HYAL4: variants seen among roughly 807,000 people sequenced by gnomAD.
The protein encoded by HYAL4 is hyaluronidase-4.
HYAL4 carries 37 observed loss-of-function variants against 35.2 expected under a neutral mutation model. The observed-to-expected ratio is 1.05, with a 90% CI of 0.81 to 1.38. The LOEUF (loss-of-function observed/expected upper bound fraction) is 1.38. HYAL4 is among the 40% of genes most tolerant of loss of function. The pLI, the probability that HYAL4 is intolerant of heterozygous loss-of-function variation, is 0.00. For synonymous variants in HYAL4, 198 were observed against 203.2 expected, an observed-to-expected ratio of 0.97 and a Z score of 0.22; for missense variants, 572 against 572.4, an observed-to-expected ratio of 1.00 and a Z score of 0.01.
At chr7:123,769,720 ACAATGCAAACATCGGT>A in the HYAL4 span, among the ~76,000 whole-genome samples, 7 of 152,122 alleles carry the variant, frequency 4.6e-5, no homozygotes, top group African/African-American at 1.4e-4. Context: ...AAGAGACTAC[ACAATGCAAACATCGGT>A]CTGCTCTATA....
the HYAL4 span, among the ~76,000 whole-genome samples, chr7:123,767,531 C>T: frequency 6.6e-6 from 1 of 152,134 alleles, no homozygotes; most frequent in East Asian, 1.9e-4. Flanking sequence ...GACATATCAC[C>T]AACAAGCTTA....
chr7:123,779,059 A>T, the HYAL4 span, among the ~76,000 whole-genome samples: 1 of 152,184 alleles, frequency 6.6e-6, no homozygotes, highest in Non-Finnish European at 1.5e-5. Flanking sequence ...TTACATACAA[A>T]TATGTTACCC....
chr7:123,797,787 C>T, the HYAL4 span, among the ~76,000 whole-genome samples: 1 of 152,086 alleles, frequency 6.6e-6, no homozygotes, highest in African/African-American at 2.4e-5. Context: ...GGAATTCATA[C>T]AAGTAGCTAT....
At chr7:123,871,204 T>C (rs1368438297) in intron 3 of HYAL4, among the ~76,000 whole-genome samples, 1 of 151,896 alleles carries the variant, frequency 6.6e-6, no homozygotes, top group Non-Finnish European at 1.5e-5. Flanking sequence ...TTTTTTTTTT[T>C]TTTTTTAGAT....
chr7:123,825,073 C>T (rs1805781993), upstream of HYAL4, among the ~76,000 whole-genome samples: 1 of 152,018 alleles, frequency 6.6e-6, no homozygotes, highest in Admixed American at 6.6e-5. Context: ...GTTGTCAACC[C>T]CACTGTCTTC....
At chr7:123,821,460 A>C in the HYAL4 span, among the ~76,000 whole-genome samples, 1 of 152,136 alleles carries the variant, frequency 6.6e-6, no homozygotes, top group African/African-American at 2.4e-5. Context: ...CTTTGGAGAA[A>C]TGTTTGTTCA....
the HYAL4 span, among the ~76,000 whole-genome samples, chr7:123,791,833 G>A: frequency 1.3e-5 from 2 of 152,196 alleles, no homozygotes; most frequent in African/African-American, 4.8e-5. Context: ...TCAAGACATA[G>A]CATTTAATGG....
the HYAL4 span, among the ~76,000 whole-genome samples, chr7:123,781,920 T>C: frequency 8.5e-3 from 1,297 of 152,244 alleles, 19 homozygotes; most frequent in African/African-American, 0.03. Flanking sequence ...TGAAGCTTTT[T>C]CTTCGAGGTA....
the HYAL4 span, among the ~76,000 whole-genome samples, chr7:123,769,970 C>T: frequency 1.3e-5 from 2 of 151,356 alleles, no homozygotes; most frequent in Admixed American, 6.6e-5. Flanking sequence ...CTTTTATTTT[C>T]GCCAAGTAAA....
upstream of HYAL4, among the ~76,000 whole-genome samples, chr7:123,827,686 C>T (rs905490219): frequency 1.3e-5 from 2 of 152,172 alleles, no homozygotes; most frequent in Non-Finnish European, 1.5e-5. Flanking sequence ...AAAGTGCTGG[C>T]CTCGTTCAAC....
chr7:123,857,037 A>C (rs938881145), intron 2 of HYAL4, among the ~76,000 whole-genome samples: 1 of 152,078 alleles, frequency 6.6e-6, no homozygotes, highest in African/African-American at 2.4e-5. Flanking sequence ...CCCCTCCCTC[A>C]CCAAGCTCGA....
the HYAL4 span, among the ~76,000 whole-genome samples, chr7:123,795,117 A>G: frequency 6.6e-6 from 1 of 152,224 alleles, no homozygotes. Flanking sequence ...CCTACTGGAT[A>G]TTGGACTTGC....
At chr7:123,853,556 C>T (rs542039225) in intron 2 of HYAL4, among the ~76,000 whole-genome samples, 1 of 152,304 alleles carries the variant, frequency 6.6e-6, no homozygotes, top group African/African-American at 2.4e-5. Flanking sequence ...TTGAACCACT[C>T]TTGCATCTCA....
intron 2 of HYAL4, among the ~76,000 whole-genome samples, 158 bp from the exon 3 acceptor site, chr7:123,868,065 C>G (rs1806733018): frequency 6.6e-6 from 1 of 152,110 alleles, no homozygotes; most frequent in Non-Finnish European, 1.5e-5. Context: ...GAAGCTAGGT[C>G]TCTACATATG....
the HYAL4 span, among the ~76,000 whole-genome samples, chr7:123,778,501 T>C: frequency 1.3e-5 from 2 of 152,080 alleles, no homozygotes; most frequent in South Asian, 4.1e-4. Flanking sequence ...TTATCTTTCA[T>C]GACAGTATTA....
chr7:123,820,350 G>A, the HYAL4 span, among the ~76,000 whole-genome samples: 8 of 152,132 alleles, frequency 5.3e-5, no homozygotes, highest in Admixed American at 2.0e-4. Flanking sequence ...TTGGGAGGCC[G>A]AGGCAGGTGG....
At chr7:123,785,227 A>G in the HYAL4 span, among the ~76,000 whole-genome samples, 1 of 152,024 alleles carries the variant, frequency 6.6e-6, no homozygotes, top group Admixed American at 6.5e-5. The surrounding 1 kb of genome is among the most constrained non-coding windows in gnomAD (Gnocchi z 4.5). Flanking sequence ...CTGGGACTAC[A>G]GGTGCACGCC....
At chr7:123,871,285 G>A (rs1186132549) in intron 3 of HYAL4, among the ~76,000 whole-genome samples, 1 of 151,304 alleles carries the variant, frequency 6.6e-6, no homozygotes, top group Non-Finnish European at 1.5e-5. Context: ...TCTGCCTCCC[G>A]GGTTCAAGTG....
the HYAL4 span, among the ~76,000 whole-genome samples, chr7:123,793,494 A>G: frequency 6.6e-6 from 1 of 152,144 alleles, no homozygotes; most frequent in Non-Finnish European, 1.5e-5. Context: ...CATAATCCCT[A>G]GATATCATGG....
Sources: gnomAD v4.1 joint callset for allele counts (sites outside exome capture counted in the v4.1 genomes callset) on GRCh38, gnomAD v4.1.1 for gene constraint, Gnocchi (gnomAD v3.1) non-coding constraint, MANE v1.5 for transcripts, NCBI Gene and HGNC (gene_info 2026-07-23, HGNC 2026-07-21) for gene names.